Variants in NFKB1 observed in about 807,000 individuals in gnomAD.
The protein encoded by NFKB1 is nuclear factor NF-kappa-B p105 subunit.
In NFKB1, 9 loss-of-function variants were observed where a neutral mutation model predicts 105.1. The observed-to-expected ratio is 0.09, with a 90% confidence interval of 0.05 to 0.15. The LOEUF (loss-of-function observed/expected upper bound fraction) is 0.15. NFKB1 is among the 10% of genes least tolerant of loss of function. NFKB1 has a pLI of 1.00. For synonymous variants in NFKB1, 440 were observed against 442.2 expected (o/e 1.00, Z 0.06); for missense variants, 830 against 1,203.7 (o/e 0.69, Z 4.59).
At chr4:102,600,230 A>T (rs972288179) in intron 15 of NFKB1, among the ~76,000 whole-genome samples, 22 of 152,258 alleles carry the variant, frequency 1.4e-4, no homozygotes, top group African/African-American at 5.3e-4. Context: ...TTGTTCAGGC[A>T]GAAGAAAGGA....
intron 16 of NFKB1, 135 bp downstream of exon 16, chr4:102,601,144 T>C: frequency 1.7e-6 from 1 of 600,930 alleles, no homozygotes; most frequent in Non-Finnish European, 2.9e-6. Flanking sequence ...AGGTAATATC[T>C]AAAATCCCAT....
chr4:102,572,500 G>A (rs953439585), intron 6 of NFKB1, among the ~76,000 whole-genome samples: 6 of 151,946 alleles, frequency 3.9e-5, no homozygotes, highest in Admixed American at 3.9e-4. Context: ...GTTTACAAGG[G>A]CAAAAATAAA....
In NFKB1 at chr4:102,607,201, T is replaced by A; in HGVS notation, c.2006T>A (p.Leu669Gln). The A allele has an allele frequency of 6.2e-7, 1 of 1,614,198 alleles. No homozygotes were observed. The highest frequency in any genetic ancestry group is 8.5e-7 in the Non-Finnish European group (1 of 1,180,042). Reference protein sequence around the residue: ...AMMSNSLPCLLLLVAAGADVN... With the variant: ...AMMSNSLPCLQLLVAAGADVN... Reference sequence around the variant, plus strand: ...ATGAGCAATAGCCTGCCATGTTTGCTGCTGCTGGTGGCCGCTGGGGCTGAC... The same window carrying A: ...ATGAGCAATAGCCTGCCATGTTTGCAGCTGCTGGTGGCCGCTGGGGCTGAC... Residue 669 changes from leucine (L) to glutamine (Q), a missense_variant, in exon 18 of 24, where the codon CTG becomes CAG. Leu to Gln is a moderately radical substitution (Grantham distance 113). This residue lies in a region of NFKB1 where 418 missense variants were observed against 575.3 expected (regional missense o/e 0.73). Transcript: ENST00000226574.
intron 5 of NFKB1, among the ~76,000 whole-genome samples, chr4:102,563,573 G>A (rs1018754248): frequency 6.6e-6 from 1 of 152,084 alleles, no homozygotes; most frequent in Non-Finnish European, 1.5e-5. Flanking sequence ...GAGCATTGTT[G>A]TAAAGGCTTT....
At chr4:102,579,255 T>C (rs1273401731) in intron 8 of NFKB1, among the ~76,000 whole-genome samples, 1 of 152,174 alleles carries the variant, frequency 6.6e-6, no homozygotes, top group Non-Finnish European at 1.5e-5. Context: ...GTAATTCTTT[T>C]TCCTTTGATG....
chr4:102,596,159 A>G lies in NFKB1; in HGVS notation c.1322A>G (p.Lys441Arg), dbSNP rs776709082. The change falls in exon 14 of 24, where the codon AAA becomes AGA. Residue 441 changes from lysine (K) to arginine (R), a missense_variant. Around this residue, in one of 8 missense-constraint regions of NFKB1, gnomAD observed 163 missense variants for 164.3 expected, o/e 0.99. Transcript: ENST00000226574. The part of the protein sequence containing the change: ...MKHGTMDTES[K>R]KDPEGCDKSD... ...TTAGGAACCATGGACACTGAATCTA[A>G]AAAGGACCCTGAAGGTTGTGACAAA... 106 of 1,603,554 alleles carry G rather than the reference A, an allele frequency of 6.6e-5. 1 individual carries two copies. Among genetic ancestry groups the G allele is most frequent in the South Asian group, 2.8e-4 (25 of 89,840 alleles).
chr4:102,524,613 T>C (rs1740782377), intron 1 of NFKB1, among the ~76,000 whole-genome samples: 1 of 152,128 alleles, frequency 6.6e-6, no homozygotes, highest in African/African-American at 2.4e-5. Context: ...TAATATGTAA[T>C]TAAATAATTA....
chr4:102,606,425 G>T, intron 16 of NFKB1, 71 bp from the exon 17 acceptor site: 1 of 1,447,034 alleles, frequency 6.9e-7, no homozygotes, highest in Non-Finnish European at 9.7e-7. Context: ...TGCAGTAACA[G>T]CTACCAAGCT....
At chr4:102,608,271 C>T (rs1428797175) in intron 19 of NFKB1, among the ~76,000 whole-genome samples, 1 of 152,254 alleles carries the variant, frequency 6.6e-6, no homozygotes, top group Non-Finnish European at 1.5e-5. Flanking sequence ...GTACCAGGCA[C>T]TGTGATATGC....
At chr4:102,581,052 A>G (rs900285081) in intron 9 of NFKB1, among the ~76,000 whole-genome samples, 2 of 152,248 alleles carry the variant, frequency 1.3e-5, no homozygotes, top group Admixed American at 6.5e-5. Context: ...GCTTTGATAT[A>G]ACACTGAGAG....
chr4:102,509,799 A>AT (rs1739658818), intron 1 of NFKB1, among the ~76,000 whole-genome samples: 1 of 152,042 alleles, frequency 6.6e-6, no homozygotes, highest in Non-Finnish European at 1.5e-5. Context: ...TCCAGAATCC[A>AT]TCCCTTCCTC....
chr4:102,506,318 C>A (rs965409874), intron 1 of NFKB1, among the ~76,000 whole-genome samples: 1 of 152,096 alleles, frequency 6.6e-6, no homozygotes, highest in Non-Finnish European at 1.5e-5. Context: ...GAATTGTTAA[C>A]ACTTATCTAA....
At chr4:102,517,257 G>C (rs1740254174) in intron 1 of NFKB1, among the ~76,000 whole-genome samples, 1 of 152,168 alleles carries the variant, frequency 6.6e-6, no homozygotes. Flanking sequence ...GGCGAATTTA[G>C]AATTTACCTA....
chr4:102,535,888 G>T (rs374012567), intron 4 of NFKB1, among the ~76,000 whole-genome samples: 18 of 141,294 alleles, frequency 1.3e-4, no homozygotes, highest in East Asian at 1.2e-3. Context: ...TGGTTTTGGG[G>T]TTTTTTTTGT....
At chr4:102,599,054 C>A (rs1313524277) in intron 15 of NFKB1, among the ~76,000 whole-genome samples, 1 of 152,074 alleles carries the variant, frequency 6.6e-6, no homozygotes, top group Non-Finnish European at 1.5e-5. Flanking sequence ...GGCCATTAGT[C>A]ATCATAGAAA....
At chr4:102,577,562 A>C (rs758967442) in intron 7 of NFKB1, among the ~76,000 whole-genome samples, 1 of 151,890 alleles carries the variant, frequency 6.6e-6, no homozygotes, top group Non-Finnish European at 1.5e-5. Flanking sequence ...GCCTTTTCTC[A>C]AATTTTTTTT....
chr4:102,594,145 A>G (rs1183756800), intron 12 of NFKB1, among the ~76,000 whole-genome samples: 2 of 152,222 alleles, frequency 1.3e-5, no homozygotes, highest in African/African-American at 2.4e-5. Context: ...GTATAGAGTC[A>G]TAGGTGCAAC....
chr4:102,529,510 C>G (rs113910934), intron 2 of NFKB1, among the ~76,000 whole-genome samples: 1 of 152,280 alleles, frequency 6.6e-6, no homozygotes, highest in African/African-American at 2.4e-5. Flanking sequence ...AGTATCTGTT[C>G]TGTGATAAGC....
At position 102,553,833 on chromosome 4, in the gene NFKB1, G is replaced by A. The variant is rs533294116; in HGVS notation, c.259-13154G>A. Among the ~76,000 whole-genome samples the A allele has an allele frequency of 2.0e-4, 30 of 152,198 alleles. No homozygotes were observed. In the South Asian group the frequency reaches 6.0e-3, roughly 30 times the overall value. On this transcript the variant is annotated intron_variant, in intron 5 of 23. Coordinates refer to ENST00000226574, the MANE Select transcript of NFKB1 (RefSeq NM_003998.4). ...AGTTGAAATCTTTGCCTAACATGAA[G>A]GTTTTTCTTTGTCTCTAAATTTTGA... is the stretch of plus-strand genomic sequence containing the variant.
Sources: allele counts gnomAD v4.1 joint callset (sites outside exome capture counted in the v4.1 genomes callset), GRCh38; gene constraint gnomAD v4.1.1; regional missense constraint gnomAD v4.1.1; transcripts MANE v1.5; gene names NCBI Gene and HGNC (gene_info 2026-07-23, HGNC 2026-07-21).